The following PCCB variants were observed in gnomAD, a reference collection of about 807,000 sequenced individuals.
PCCB encodes the protein propionyl-CoA carboxylase beta chain, mitochondrial.
Under a neutral mutation model 60.7 loss-of-function variants are expected in PCCB, and 43 were observed. The observed-to-expected ratio is 0.71, with a 90% CI of 0.55 to 0.91. The LOEUF (loss-of-function observed/expected upper bound fraction) is 0.91. Ranked by LOEUF, PCCB falls within the 40% of genes least tolerant of loss-of-function variation. The probability of loss-of-function intolerance (pLI) is 0.00; values close to 1 mark genes in which losing one functional copy is unlikely to be tolerated. For missense variants in PCCB, 766 were observed against 702.8 expected, an observed-to-expected ratio of 1.09 and a Z score of -1.02; for synonymous variants, 276 against 255.9, an observed-to-expected ratio of 1.08 and a Z score of -0.75.
At chr3:136,256,377 C>A (rs980649582) in intron 2 of PCCB, 178 bp from the exon 3 acceptor site, 3 of 653,104 alleles carry the variant, frequency 4.6e-6, no homozygotes, top group African/African-American at 3.6e-5. Flanking sequence ...GAAGTAGTAG[C>A]CCTGTGCTTG....
intron 2 of PCCB, chr3:136,256,352 T>C: frequency 1.6e-6 from 1 of 616,462 alleles, no homozygotes; most frequent in Admixed American, 2.7e-5. Flanking sequence ...GACAGTGCCA[T>C]TCACTCCTAT....
chr3:136,279,855 A>G (rs1372698369), intron 5 of PCCB, among the ~76,000 whole-genome samples: 3 of 151,756 alleles, frequency 2.0e-5, no homozygotes, highest in Admixed American at 6.6e-5. Flanking sequence ...TTTAGTAGAG[A>G]CGGGGTTTCA....
At chr3:136,287,012 C>T (rs1347313594) in intron 6 of PCCB, among the ~76,000 whole-genome samples, 4 of 147,870 alleles carry the variant, frequency 2.7e-5, no homozygotes, top group Admixed American at 6.8e-5. Context: ...GCCTGGGTGG[C>T]AGAGCAAGAC....
At chr3:136,304,481 A>G (rs1934391776) in intron 9 of PCCB, among the ~76,000 whole-genome samples, 1 of 117,572 alleles carries the variant, frequency 8.5e-6, no homozygotes, top group Non-Finnish European at 1.9e-5. Context: ...TCCCGGGTAC[A>G]CGCCATTCTC....
At chr3:136,257,765 A>G (rs1405016092) in intron 3 of PCCB, among the ~76,000 whole-genome samples, 2 of 152,088 alleles carry the variant, frequency 1.3e-5, no homozygotes, top group Admixed American at 6.6e-5. Flanking sequence ...GCGAAACTCC[A>G]TCTCTACTAA....
rs779024616 is a variant in PCCB, at chr3:136,306,959, AAT to A, written c.966+5850_966+5851del. 3.2e-3 allele frequency among the ~76,000 whole-genome samples: 398 copies of A among 122,994 alleles called. 38 individuals carry two copies. The highest frequency in any genetic ancestry group is 9.0e-3 in the African/African-American group (363 of 40,308). The allele number at this position is 122,994 out of a possible 152,430, so 80.7% of individuals were successfully genotyped here. The stretch of plus-strand genomic sequence containing the variant: ...AAAATATTAACTGTTCGATTTTTAA[AAT>A]AAGGAGAAATACTCAGGACCTTTGG... On this transcript the variant is annotated intron_variant, in intron 9 of 14. Transcript: ENST00000251654.
chr3:136,329,819 G>A, intron 14 of PCCB, 86 bp from the exon 15 acceptor site: 1 of 1,476,962 alleles, frequency 6.8e-7, no homozygotes. Flanking sequence ...CTGGCCCCAG[G>A]GATGGTGCCC....
chr3:136,273,496 T>C (rs1009926640), intron 5 of PCCB, among the ~76,000 whole-genome samples: 3 of 151,920 alleles, frequency 2.0e-5, no homozygotes, highest in African/African-American at 7.2e-5. Context: ...GGAGCTCCAG[T>C]ATTAGGTGAA....
chr3:136,301,688 T>C (rs1934288611), intron 9 of PCCB, among the ~76,000 whole-genome samples: 1 of 152,136 alleles, frequency 6.6e-6, no homozygotes, highest in African/African-American at 2.4e-5. Context: ...CGGTAGTCCT[T>C]GTGCAACACA....
intron 13 of PCCB, 28 bp downstream of exon 13, chr3:136,327,760 G>C (rs756116337): frequency 7.1e-6 from 11 of 1,552,160 alleles, no homozygotes; most frequent in Non-Finnish European, 9.8e-6. Flanking sequence ...TTCCCTTTCT[G>C]GGTCCAAGGA....
At chr3:136,273,871 C>T (rs1384350199) in intron 5 of PCCB, among the ~76,000 whole-genome samples, 5 of 136,134 alleles carry the variant, frequency 3.7e-5, no homozygotes, top group Non-Finnish European at 6.1e-5. Flanking sequence ...GAGGTTGCAC[C>T]ACTGCACTCC....
At chr3:136,253,325 G>A (rs113375712) in intron 1 of PCCB, among the ~76,000 whole-genome samples, 11,287 of 151,654 alleles carry the variant, frequency 0.074, 449 homozygotes, top group Non-Finnish European at 0.094. Context: ...TCCTGACCTC[G>A]TGATCCGTCT....
chr3:136,315,000 A>T (rs372861347), intron 9 of PCCB, among the ~76,000 whole-genome samples: 2 of 152,234 alleles, frequency 1.3e-5, no homozygotes, highest in South Asian at 2.1e-4. Flanking sequence ...AAAATTAAAC[A>T]TGAAGAAATA....
At chr3:136,309,830 A>T (rs1576347538) in intron 9 of PCCB, among the ~76,000 whole-genome samples, 1 of 151,798 alleles carries the variant, frequency 6.6e-6, no homozygotes, top group African/African-American at 2.4e-5. Context: ...AAGAGACAAG[A>T]TACATTGGAA....
intron 5 of PCCB, among the ~76,000 whole-genome samples, chr3:136,271,564 T>A (rs529722904): frequency 6.6e-6 from 1 of 152,322 alleles, no homozygotes; most frequent in South Asian, 2.1e-4. Context: ...CTTGTAGAGA[T>A]CTTCACCTCC....
chr3:136,294,307 T>C (rs1411368201), intron 7 of PCCB, among the ~76,000 whole-genome samples: 3 of 151,938 alleles, frequency 2.0e-5, no homozygotes, highest in Non-Finnish European at 4.4e-5. Flanking sequence ...AATTTGGTCA[T>C]AGTTGTTAAC....
rs180982841 is a variant in PCCB at position 136,293,874 on chromosome 3, C to G, written c.763+10C>G. The G allele has an allele frequency of 3.8e-4, 549 of 1,457,310 alleles. 1 individual carries two copies. The highest frequency in any genetic ancestry group is 6.9e-4 in the Middle Eastern group (4 of 5,758). The allele number at this position is 1,457,310 out of a possible 1,614,324, so 90.3% of individuals were successfully genotyped here. The stretch of plus-strand genomic sequence containing the variant: ...CACACCACCATGTCAGGTGAGAGGC[C>G]TTGAAGATGACCTTGTTGTTTTCAA... On this transcript the variant is annotated intron_variant, in intron 7 of 14. Coordinates refer to ENST00000251654, the MANE Select transcript of PCCB (RefSeq NM_000532.5).
At chr3:136,278,869 T>G (rs1056685255) in intron 5 of PCCB, among the ~76,000 whole-genome samples, 3 of 152,228 alleles carry the variant, frequency 2.0e-5, no homozygotes, top group Non-Finnish European at 4.4e-5. Context: ...TTGTTCTGTC[T>G]GTTATTAGAA....
intron 5 of PCCB, among the ~76,000 whole-genome samples, chr3:136,276,150 C>T (rs1028431434): frequency 2.0e-5 from 3 of 152,144 alleles, no homozygotes; most frequent in Non-Finnish European, 4.4e-5. Flanking sequence ...TCTCTTGAAG[C>T]TCATCTCATT....
Sources: gnomAD v4.1 joint callset for allele counts (sites outside exome capture counted in the v4.1 genomes callset) on GRCh38, gnomAD v4.1.1 for gene constraint, MANE v1.5 for transcripts, NCBI Gene and HGNC (gene_info 2026-07-23, HGNC 2026-07-21) for gene names.